The following SLC37A3 variants were observed in gnomAD, a reference collection of about 807,000 sequenced individuals.
The protein encoded by SLC37A3 is solute carrier family 37 member 3.
Under a neutral mutation model 67.1 loss-of-function variants are expected in SLC37A3, and 51 were observed. The ratio of observed to expected loss-of-function variants is 0.76; its 90% confidence interval spans 0.61 to 0.96. The LOEUF is 0.96. Ranked by LOEUF, SLC37A3 falls within the 40% of genes least tolerant of loss-of-function variation. The pLI is 0.00. For synonymous variants in SLC37A3, 214 were observed against 231.4 expected, an observed-to-expected ratio of 0.92 and a Z score of 0.68; for missense variants, 508 against 603.0, an observed-to-expected ratio of 0.84 and a Z score of 1.65.
intron 3 of SLC37A3, among the ~76,000 whole-genome samples, chr7:140,370,103 T>TCTC (rs1304112071): frequency 2.0e-5 from 3 of 150,732 alleles, no homozygotes; most frequent in Admixed American, 6.6e-5. Flanking sequence ...AGAGCGAAAC[T>TCTC]CCGTCTCAAA....
At chr7:140,346,952 T>G (rs1483616894) in intron 10 of SLC37A3, among the ~76,000 whole-genome samples, 1 of 151,732 alleles carries the variant, frequency 6.6e-6, no homozygotes, top group Non-Finnish European at 1.5e-5. Flanking sequence ...CCAAAAAAAC[T>G]GTGCCTTACA....
chr7:140,358,311 A>G (rs1199508363), intron 6 of SLC37A3, among the ~76,000 whole-genome samples: 2 of 152,190 alleles, frequency 1.3e-5, no homozygotes, highest in African/African-American at 2.4e-5. Context: ...AGGAAGATAC[A>G]TGATGGATAG....
At chr7:140,348,865 A>T in intron 9 of SLC37A3, 98 bp from the exon 10 acceptor site, 1 of 1,434,580 alleles carries the variant, frequency 7.0e-7, no homozygotes, top group Non-Finnish European at 9.5e-7. Context: ...AAAGGAAGTT[A>T]GGATGAACAG....
intron 13 of SLC37A3, among the ~76,000 whole-genome samples, chr7:140,340,029 C>T (rs1203265010): frequency 3.3e-5 from 5 of 152,168 alleles, no homozygotes; most frequent in African/African-American, 1.2e-4. Context: ...TAAGCCACCG[C>T]GCCCGGCCCT....
chr7:140,358,483 A>G (rs1292374538), intron 6 of SLC37A3, among the ~76,000 whole-genome samples, 157 bp downstream of exon 6: 3 of 152,136 alleles, frequency 2.0e-5, no homozygotes, highest in Admixed American at 6.5e-5. Context: ...TCCAACGCAC[A>G]CTGACGTGAA....
chr7:140,371,924 T>C (rs1220234719), intron 3 of SLC37A3, among the ~76,000 whole-genome samples: 1 of 151,998 alleles, frequency 6.6e-6, no homozygotes. Flanking sequence ...CGATCTTGGC[T>C]CACTGCAACC....
chr7:140,362,250 T>C (rs2117148349), intron 5 of SLC37A3, among the ~76,000 whole-genome samples: 1 of 139,572 alleles, frequency 7.2e-6, no homozygotes, highest in African/African-American at 2.7e-5. Flanking sequence ...CAACCCTGTC[T>C]GGGAGGTGAG....
chr7:140,363,107 C>G (rs977931636), intron 5 of SLC37A3, among the ~76,000 whole-genome samples: 1 of 89,418 alleles, frequency 1.1e-5, no homozygotes, highest in African/African-American at 4.1e-5. Flanking sequence ...CCGCCCCATC[C>G]GGGAGGTGAG....
At chr7:140,340,741 C>A (rs1377474984) in intron 13 of SLC37A3, among the ~76,000 whole-genome samples, 1 of 151,422 alleles carries the variant, frequency 6.6e-6, no homozygotes, top group Non-Finnish European at 1.5e-5. Context: ...CCAGTCTGGG[C>A]AATGTGGTGA....
At chr7:140,389,048 A>T (rs1365397102) in intron 1 of SLC37A3, among the ~76,000 whole-genome samples, 2 of 152,176 alleles carry the variant, frequency 1.3e-5, no homozygotes. Flanking sequence ...TTAACCCTTA[A>T]GGAAGGTCCT....
At chr7:140,373,462 G>A (rs1289514013) in intron 3 of SLC37A3, among the ~76,000 whole-genome samples, 1 of 152,150 alleles carries the variant, frequency 6.6e-6, no homozygotes, top group African/African-American at 2.4e-5. Context: ...ATGTCTTAAT[G>A]CAAGAGTATT....
At chr7:140,348,328 C>T in intron 10 of SLC37A3, 1 of 224,378 alleles carries the variant, frequency 4.5e-6, no homozygotes, top group Non-Finnish European at 8.6e-6. Context: ...AAAGAGATTC[C>T]CATGTGCTTC....
intron 7 of SLC37A3, among the ~76,000 whole-genome samples, chr7:140,355,167 T>C (rs1796971162): frequency 6.6e-6 from 1 of 152,058 alleles, no homozygotes; most frequent in Non-Finnish European, 1.5e-5. Flanking sequence ...ATCAGAAGTT[T>C]ATCTACTTTT....
chr7:140,397,899 T>C (rs1799002571), intron 1 of SLC37A3, among the ~76,000 whole-genome samples: 1 of 152,192 alleles, frequency 6.6e-6, no homozygotes, highest in Non-Finnish European at 1.5e-5. Context: ...AAGGAGGGAA[T>C]GACGAATAAT....
chr7:140,338,671 C>T (rs1433856876), intron 13 of SLC37A3, among the ~76,000 whole-genome samples: 1 of 152,068 alleles, frequency 6.6e-6, no homozygotes, highest in African/African-American at 2.4e-5. Flanking sequence ...GAGGTTTCAC[C>T]ACATTGCCCA....
At chr7:140,341,348 AAAGACGAAGGAAAC>A (rs1796354376) in intron 13 of SLC37A3, among the ~76,000 whole-genome samples, 2 of 152,114 alleles carry the variant, frequency 1.3e-5, no homozygotes, top group South Asian at 4.1e-4. Context: ...TTGGGAATAC[AAAGACGAAGGAAAC>A]AAGCAGAGCA....
At chr7:140,347,862 C>T (rs999253687) in intron 10 of SLC37A3, among the ~76,000 whole-genome samples, 3 of 151,466 alleles carry the variant, frequency 2.0e-5, no homozygotes, top group South Asian at 2.1e-4. Context: ...TATGATCTGA[C>T]GACCTACACA....
chr7:140,351,583 C>G, intron 8 of SLC37A3, 132 bp from the exon 9 acceptor site: 1 of 856,902 alleles, frequency 1.2e-6, no homozygotes, highest in South Asian at 1.8e-5. Flanking sequence ...GTCCAGAGAC[C>G]GAGGTCAACT....
At position 140,347,361 on chromosome 7, in the gene SLC37A3, T is replaced by C. The variant is rs189848707; in HGVS notation, c.1024+1265A>G. On this transcript the variant is annotated intron_variant, in intron 10 of 14. Coordinates refer to ENST00000326232, the MANE Select transcript of SLC37A3 (RefSeq NM_207113.3). ...CTTTAAAAAGCAGGGATATGAATCT[T>C]TCAAGCAACAATGTCACATACAGCA... 1.5e-3 allele frequency among the ~76,000 whole-genome samples: 233 copies of C among 152,334 alleles called. 1 individual carries two copies. The highest frequency in any genetic ancestry group is 5.4e-3 in the African/African-American group (226 of 41,578).
Sources: gnomAD v4.1 joint callset for allele counts (sites outside exome capture counted in the v4.1 genomes callset) on GRCh38, gnomAD v4.1.1 for gene constraint, MANE v1.5 for transcripts, NCBI Gene and HGNC (gene_info 2026-07-23, HGNC 2026-07-21) for gene names.